Variants in TNFRSF10B observed in about 807,000 individuals in gnomAD.
TNFRSF10B encodes TNF receptor superfamily member 10b.
Under a neutral mutation model 41.4 loss-of-function variants are expected in TNFRSF10B, and 35 were observed. The ratio of observed to expected loss-of-function variants is 0.85; its 90% confidence interval spans 0.65 to 1.12. The LOEUF (loss-of-function observed/expected upper bound fraction) is 1.12. Ranked by LOEUF, TNFRSF10B falls within the 50% of genes most tolerant of loss-of-function variation. TNFRSF10B has a pLI of 0.00. For missense variants in TNFRSF10B, 584 were observed against 552.7 expected (o/e 1.06, Z -0.57); for synonymous variants, 230 against 215.5 (o/e 1.07, Z -0.59).
chr8:23,059,295 G>A (rs934597720), intron 1 of TNFRSF10B, among the ~76,000 whole-genome samples: 4 of 152,124 alleles, frequency 2.6e-5, no homozygotes, highest in East Asian at 3.9e-4. Context: ...TGCTATAAAC[G>A]TGGGTGTACA....
chr8:23,061,896 A>G (rs976664091), intron 1 of TNFRSF10B, among the ~76,000 whole-genome samples: 1 of 152,236 alleles, frequency 6.6e-6, no homozygotes, highest in Non-Finnish European at 1.5e-5. Context: ...CAACTTGGTC[A>G]TGGTGTATAA....
intron 4 of TNFRSF10B, 98 bp from the exon 5 acceptor site, chr8:23,028,700 A>C: frequency 6.8e-7 from 1 of 1,465,594 alleles, no homozygotes; most frequent in Non-Finnish European, 9.5e-7. Context: ...GTCCCTGAGA[A>C]GGTGTCAGGG....
In TNFRSF10B at chr8:23,022,913, A is replaced by G. The variant is rs777106883; in HGVS notation, c.1081T>C (p.Leu361=). Residue 361 remains leucine, a synonymous_variant, in exon 9 of 9, where the codon TTG becomes CTG. Transcript: ENST00000276431. ...TTTATCTCATTGTCCATGAGGCCCA[A>G]CTTCCTCATGAGCGGCTCCCAGGAG... The part of the protein sequence containing the change: ...FDSWEPLMRK[L]GLMDNEIKVA... 2 of 1,613,790 alleles carry G rather than the reference A, an allele frequency of 1.2e-6. No individual in the cohort carries two copies. Among genetic ancestry groups the G allele is most frequent in the African/African-American group, 2.7e-5 (2 of 74,830 alleles).
chr8:23,027,737 A>G lies in TNFRSF10B; in HGVS notation c.765T>C (p.Pro255=), dbSNP rs144580167. The G allele has an allele frequency of 1.2e-6, 2 of 1,614,068 alleles. No homozygotes were observed. The highest frequency in any genetic ancestry group is 1.7e-6 in the Non-Finnish European group (2 of 1,179,990). ...KGICSGGGGD[P]ERVDRSSQRP... is the part of the protein sequence containing the mutation. Reference sequence around the variant, plus strand: ...ATCAACTCACTCTGTCCACACGCTCAGGGTCCCCACCACCACCTAAAAAAG... The same window carrying G: ...ATCAACTCACTCTGTCCACACGCTCGGGGTCCCCACCACCACCTAAAAAAG... The change falls in exon 6 of 9, where the codon CCT becomes CCC. Residue 255 remains proline (P), a synonymous_variant. Coordinates refer to ENST00000276431, the MANE Select transcript of TNFRSF10B (RefSeq NM_003842.5).
chr8:23,028,349 G>C lies in TNFRSF10B; in HGVS notation c.730C>G (p.Leu244Val). 6.2e-7 allele frequency: 1 copy of C among 1,614,134 alleles called. No homozygotes were observed. Among genetic ancestry groups the C allele is most frequent in the Non-Finnish European group, 8.5e-7 (1 of 1,180,008 alleles). ...CACCTACCTGAGCAGATGCCTTTCAGGTAAGGAAGGACTTTCTTCCACAGT... is the reference window on the plus strand; with the variant it reads ...CACCTACCTGAGCAGATGCCTTTCACGTAAGGAAGGACTTTCTTCCACAGT... ...SLLWKKVLPY[L>V]KGICSGGGGD... The change falls in exon 5 of 9, where the codon CTG becomes GTG. Residue 244 changes from leucine (L) to valine (V), a missense_variant. Coordinates refer to ENST00000276431, the MANE Select transcript of TNFRSF10B (RefSeq NM_003842.5).
At chr8:23,065,718 C>T (rs1224281145) in intron 1 of TNFRSF10B, among the ~76,000 whole-genome samples, 1 of 152,082 alleles carries the variant, frequency 6.6e-6, no homozygotes, top group African/African-American at 2.4e-5. Flanking sequence ...CCTCAGTTTT[C>T]TGTGACCAGA....
chr8:23,020,860 C>T lies in TNFRSF10B; in HGVS notation c.*1811G>A, dbSNP rs1047305. 4 of 453,920 alleles carry T rather than the reference C, an allele frequency of 8.8e-6. No individual in the cohort carries two copies. The highest frequency in any genetic ancestry group is 1.3e-5 in the Non-Finnish European group (3 of 226,792). The allele number at this position is 453,920 out of a possible 1,614,324, so 28.1% of individuals were successfully genotyped here. On this transcript the variant is annotated 3_prime_UTR_variant, in exon 9 of 9. Transcript: ENST00000276431. ...ACAGAAGGCCCAGCAAAGGCAAAGA[C>T]CAGGAGGCAGCAGCACCCTGTGCCT...
intron 7 of TNFRSF10B, among the ~76,000 whole-genome samples, chr8:23,025,530 CATATT>C (rs1207918876): frequency 1.3e-5 from 2 of 152,070 alleles, no homozygotes; most frequent in Non-Finnish European, 2.9e-5. Context: ...GATATTAAAA[CATATT>C]AGACAGTTTT....
At chr8:23,047,175 T>A (rs981890042) in intron 1 of TNFRSF10B, among the ~76,000 whole-genome samples, 2 of 152,046 alleles carry the variant, frequency 1.3e-5, no homozygotes, top group Non-Finnish European at 2.9e-5. Flanking sequence ...CTGATCAACA[T>A]GGAGAAACCC....
chr8:23,024,680 C>G (rs1001142893), intron 7 of TNFRSF10B, among the ~76,000 whole-genome samples: 7 of 152,098 alleles, frequency 4.6e-5, no homozygotes, highest in African/African-American at 1.7e-4. Flanking sequence ...CCACCATGCC[C>G]AGCTAATTAT....
chr8:23,031,563 GT>G (rs1811886145), intron 2 of TNFRSF10B, among the ~76,000 whole-genome samples: 1 of 151,686 alleles, frequency 6.6e-6, no homozygotes, highest in Non-Finnish European at 1.5e-5. Flanking sequence ...AATTTTTAGT[GT>G]ACTTTTTTTT....
chr8:23,043,221 A>G lies in TNFRSF10B; in HGVS notation c.167T>C (p.Ile56Thr). 6.2e-7 allele frequency: 1 copy of G among 1,614,086 alleles called. No individual in the cohort carries two copies. Among genetic ancestry groups the G allele is most frequent in the Non-Finnish European group, 8.5e-7 (1 of 1,180,008 alleles). ...LLLVSAESAL[I>T]TQQDLAPQQR... is the part of the protein sequence containing the mutation. ...CTGGGGAGCTAGGTCTTGTTGGGTGATCAGAGCAGACTCAGCTGAGACCTG... is the reference window on the plus strand; with the variant it reads ...CTGGGGAGCTAGGTCTTGTTGGGTGGTCAGAGCAGACTCAGCTGAGACCTG... The change falls in exon 2 of 9, where the codon ATC (isoleucine) becomes ACC (threonine). Residue 56 changes from isoleucine (I) to threonine (T), a missense_variant. Coordinates refer to ENST00000276431, the MANE Select transcript of TNFRSF10B (RefSeq NM_003842.5).
intron 7 of TNFRSF10B, among the ~76,000 whole-genome samples, chr8:23,025,236 T>C (rs1337092044): frequency 6.6e-6 from 1 of 152,088 alleles, no homozygotes; most frequent in Non-Finnish European, 1.5e-5. Flanking sequence ...AGAAACAGCT[T>C]TGATGAGGAA....
chr8:23,030,909 A>T, intron 2 of TNFRSF10B, 37 bp from the exon 3 acceptor site: 2 of 1,476,688 alleles, frequency 1.4e-6, no homozygotes, highest in Middle Eastern at 2.3e-4. Flanking sequence ...ATGAAATGCC[A>T]CAGGATTCCC....
chr8:23,053,936 T>TG (rs1397698215), intron 1 of TNFRSF10B, among the ~76,000 whole-genome samples: 1 of 152,218 alleles, frequency 6.6e-6, no homozygotes, highest in Non-Finnish European at 1.5e-5. Flanking sequence ...TCTTAGTGTA[T>TG]GTTATCATTA....
At position 23,022,700 on chromosome 8, in the gene TNFRSF10B, C is replaced by G. The variant is rs1368028232; in HGVS notation, c.1294G>C (p.Glu432Gln). 6.2e-7 allele frequency: 1 copy of G among 1,613,896 alleles called. No individual in the cohort carries two copies. The highest frequency in any genetic ancestry group is 8.5e-7 in the Non-Finnish European group (1 of 1,179,988). Reference sequence around the variant, plus strand: ...GACATGGCAGAGTCTGCATTACCTTCTAGATACATGAACTTTCCAGAGCTC... The same window carrying G: ...GACATGGCAGAGTCTGCATTACCTTGTAGATACATGAACTTTCCAGAGCTC... ...LLSSGKFMYL[E>Q]GNADSAMS Residue 432 changes from glutamate (E) to glutamine (Q), a missense_variant, in exon 9 of 9, where the codon GAA becomes CAA. Coordinates refer to ENST00000276431, the MANE Select transcript of TNFRSF10B (RefSeq NM_003842.5).
At chr8:23,061,453 G>C (rs1326687023) in intron 1 of TNFRSF10B, among the ~76,000 whole-genome samples, 1 of 152,004 alleles carries the variant, frequency 6.6e-6, no homozygotes, top group Non-Finnish European at 1.5e-5. Context: ...AAATCTTTTG[G>C]ATTTTTTACC....
At chr8:23,066,870 C>T (rs1813000118) in intron 1 of TNFRSF10B, among the ~76,000 whole-genome samples, 1 of 151,982 alleles carries the variant, frequency 6.6e-6, no homozygotes, top group Admixed American at 6.6e-5. Context: ...GCACTCCAGC[C>T]TAGGCGACAG....
chr8:23,034,956 A>T (rs1376088351), intron 2 of TNFRSF10B, among the ~76,000 whole-genome samples: 1 of 152,164 alleles, frequency 6.6e-6, no homozygotes, highest in African/African-American at 2.4e-5. Flanking sequence ...TGTTTGAGCA[A>T]ATCGCCACAT....
Sources: allele counts gnomAD v4.1 joint callset (sites outside exome capture counted in the v4.1 genomes callset), GRCh38; gene constraint gnomAD v4.1.1; transcripts MANE v1.5; gene names NCBI Gene and HGNC (gene_info 2026-07-23, HGNC 2026-07-21).